ZCCHC2: variants seen among roughly 807,000 people sequenced by gnomAD.
The protein encoded by ZCCHC2 is zinc finger CCHC domain-containing protein 2.
A neutral mutation model predicts 103.6 loss-of-function variants in ZCCHC2; 39 were observed. The ratio of observed to expected loss-of-function variants is 0.38; its 90% CI spans 0.29 to 0.49. The LOEUF is 0.49. Ranked by LOEUF, ZCCHC2 falls within the 20% of genes least tolerant of loss-of-function variation. The pLI is 0.96. For missense variants in ZCCHC2, 1,483 were observed against 1,491.0 expected (o/e 0.99, Z 0.09); for synonymous variants, 687 against 608.9 (o/e 1.13, Z -1.89).
At chr18:62,532,529 G>T (rs1172841020) in intron 1 of ZCCHC2, among the ~76,000 whole-genome samples, 2 of 152,162 alleles carry the variant, frequency 1.3e-5, no homozygotes, top group East Asian at 3.9e-4. Context: ...CCTCTAATAG[G>T]CCTTTAGACT....
intron 1 of ZCCHC2, among the ~76,000 whole-genome samples, chr18:62,538,356 T>G (rs1356237129): frequency 1.3e-5 from 2 of 152,200 alleles, no homozygotes; most frequent in African/African-American, 4.8e-5. Flanking sequence ...GCACTTTATT[T>G]TCTTTGTTTT....
At chr18:62,566,807 C>G (rs1916387160) in intron 11 of ZCCHC2, among the ~76,000 whole-genome samples, 1 of 152,208 alleles carries the variant, frequency 6.6e-6, no homozygotes, top group African/African-American at 2.4e-5. Flanking sequence ...CCTGCTTCAG[C>G]AGATTGTAAG....
At position 62,523,328 on chromosome 18, in the gene ZCCHC2, C is replaced by T; in HGVS notation, c.-97C>T. The T allele has an allele frequency of 1.4e-5, 14 of 985,644 alleles. No homozygotes were observed. The highest frequency in any genetic ancestry group is 1.7e-5 in the Non-Finnish European group (14 of 831,012). The allele number at this position is 985,644 out of a possible 1,614,324, so 61.1% of individuals were successfully genotyped here. A position where few individuals can be genotyped will look rare whatever the true frequency, so the allele number is the denominator to read the frequency against. ...CCTCCCCCGGCGGCATGGAGGGGCC[C>T]CGCTCCTGACGGCCGCGCCGCCGCC... is the stretch of plus-strand genomic sequence containing the variant. On this transcript the variant is annotated 5_prime_UTR_variant, in exon 1 of 14. Coordinates refer to ENST00000269499, the MANE Select transcript of ZCCHC2 (RefSeq NM_017742.6).
chr18:62,549,112 G>T (rs995318876), intron 4 of ZCCHC2, among the ~76,000 whole-genome samples: 3 of 151,702 alleles, frequency 2.0e-5, no homozygotes, highest in African/African-American at 4.8e-5. Context: ...CCAGCTACTC[G>T]GGAGGCTGAG....
intron 12 of ZCCHC2, 123 bp downstream of exon 12, chr18:62,570,354 CT>C: frequency 8.1e-7 from 1 of 1,235,824 alleles, no homozygotes. Context: ...ATGCCATTAA[CT>C]GATTTTAAAT....
rs189084128 is a variant in ZCCHC2, at chr18:62,534,123, A to T, written c.940-5558A>T. Among the ~76,000 whole-genome samples the T allele has an allele frequency of 4.4e-3, 671 of 152,160 alleles. 9 individuals are homozygous for T. Among genetic ancestry groups the T allele is most frequent in the African/African-American group, 0.015 (625 of 41,488 alleles). ...ATACCTTCCAAATCAGACTATTAGC[A>T]GCCTAGGCAACATACCAAGACCCCA... On this transcript the variant is annotated intron_variant, in intron 1 of 13. Coordinates refer to ENST00000269499, the MANE Select transcript of ZCCHC2 (RefSeq NM_017742.6).
rs561471089 is a variant in ZCCHC2 at position 62,526,566 on chromosome 18, G to C, written c.939+2203G>C. ...CAGAGGCCGCTGATGTGGGTGGGCT[G>C]AGTTAAGCCCTCATTCGCTGCAGTC... On this transcript the variant is annotated intron_variant, in intron 1 of 13. Transcript: ENST00000269499. Among the ~76,000 whole-genome samples, 4 of 152,300 alleles carry C rather than the reference G, an allele frequency of 2.6e-5. No homozygotes were observed. The East Asian group carries it at 7.7e-4, about 29-fold the overall frequency.
At chr18:62,563,169 C>A in intron 9 of ZCCHC2, 25 bp downstream of exon 9, 2 of 1,598,806 alleles carry the variant, frequency 1.3e-6, no homozygotes, top group Non-Finnish European at 8.6e-7. Context: ...TGTTTTGGAG[C>A]TATATAGTTA....
chr18:62,570,066 T>C, intron 11 of ZCCHC2, 37 bp from the exon 12 acceptor site: 1 of 1,523,686 alleles, frequency 6.6e-7, no homozygotes, highest in African/African-American at 1.5e-5. Context: ...TTAAAATGAC[T>C]TAACATGATT....
At position 62,574,845 on chromosome 18, in the gene ZCCHC2, C is replaced by T; in HGVS notation, c.2764C>T (p.Pro922Ser). The change falls in exon 13 of 14, where the codon CCC becomes TCC. Residue 922 changes from proline to serine, a missense_variant. Around this residue, in one of 3 missense-constraint regions of ZCCHC2, gnomAD observed 884 missense variants for 907.5 expected, o/e 0.97. Transcript: ENST00000269499. ...PPASYPLPGS[P>S]LAAGVLPSQN... ...AGCTTCCTACCCCTTACCAGGCTCTCCCCTTGCTGCCGGCGTGTTACCCAG... is the reference window on the plus strand; with the variant it reads ...AGCTTCCTACCCCTTACCAGGCTCTTCCCTTGCTGCCGGCGTGTTACCCAG... 4 of 1,613,960 alleles carry T rather than the reference C, an allele frequency of 2.5e-6. No individual in the cohort carries two copies. The East Asian group carries it at 8.9e-5, about 36-fold the overall frequency.
chr18:62,565,020 T>C lies in ZCCHC2; in HGVS notation c.1770T>C (p.Thr590=), dbSNP rs1177830186. Residue 590 remains threonine, a synonymous_variant, in exon 11 of 14, where the codon ACT becomes ACC. Coordinates refer to ENST00000269499, the MANE Select transcript of ZCCHC2 (RefSeq NM_017742.6). ...GGTTTAGGGAGAAAATTAAGAAAAC[T>C]GACAACAGATTGAATAGTAGAATAA... ...PQTEKEKIKK[T]DNRLNSRING... 2 of 1,613,148 alleles carry C rather than the reference T, an allele frequency of 1.2e-6. No homozygotes were observed. Among genetic ancestry groups the C allele is most frequent in the Non-Finnish European group, 1.7e-6 (2 of 1,179,282 alleles).
intron 4 of ZCCHC2, among the ~76,000 whole-genome samples, chr18:62,549,807 T>C (rs1489543767): frequency 6.6e-6 from 1 of 152,252 alleles, no homozygotes; most frequent in Non-Finnish European, 1.5e-5. Flanking sequence ...TATAAATAAG[T>C]AATATTGAGG....
chr18:62,533,089 A>G (rs967720168), intron 1 of ZCCHC2, among the ~76,000 whole-genome samples: 6 of 152,000 alleles, frequency 3.9e-5, no homozygotes, highest in African/African-American at 1.5e-4. Flanking sequence ...AAAATAAGTA[A>G]ATAAATAAAT....
At chr18:62,529,343 G>A (rs1914585001) in intron 1 of ZCCHC2, among the ~76,000 whole-genome samples, 1 of 152,152 alleles carries the variant, frequency 6.6e-6, no homozygotes, top group Non-Finnish European at 1.5e-5. Flanking sequence ...CTCTGGGAGT[G>A]TTAGGGTTCA....
At chr18:62,538,183 G>A (rs938782337) in intron 1 of ZCCHC2, among the ~76,000 whole-genome samples, 17 of 150,952 alleles carry the variant, frequency 1.1e-4, no homozygotes, top group African/African-American at 3.9e-4. Context: ...ATCACTTGAA[G>A]CCGGGAATTT....
At position 62,523,553 on chromosome 18, in the gene ZCCHC2, C is replaced by CCCG. The variant is rs563687016; in HGVS notation, c.147_149dup (p.Pro50dup). The CCCG allele has an allele frequency of 0.7, 650,061 of 932,342 alleles. 221,699 individuals carry two copies. Among genetic ancestry groups the CCCG allele is most frequent in the East Asian group, 0.71 (5,309 of 7,528 alleles). 57.8% of individuals were successfully genotyped at this position (932,342 alleles called of 1,614,324 possible). A position where few individuals can be genotyped will look rare whatever the true frequency, so the allele number is the denominator to read the frequency against. Reference sequence around the variant, plus strand: ...CGCGCCGCCGCCGCGACTGCCGCCCCCCGCCGCCGCCGCCGCCGCCCGCGG... The same window carrying CCCG: ...CGCGCCGCCGCCGCGACTGCCGCCCCCCGCCGCCGCCGCCGCCGCCGCCCGCGG... On this transcript the variant is annotated inframe_insertion, in exon 1 of 14. Transcript: ENST00000269499.
At chr18:62,560,080 T>C (rs1916052966) in intron 7 of ZCCHC2, among the ~76,000 whole-genome samples, 1 of 152,208 alleles carries the variant, frequency 6.6e-6, no homozygotes, top group African/African-American at 2.4e-5. Flanking sequence ...AAACTTGCAC[T>C]AGAATGTTTC....
intron 6 of ZCCHC2, 149 bp from the exon 7 acceptor site, chr18:62,558,538 G>C (rs1216123663): frequency 2.0e-6 from 1 of 490,416 alleles, no homozygotes; most frequent in African/African-American, 2.0e-5. Flanking sequence ...AGTGCTTTGG[G>C]CTGTGTCATC....
In ZCCHC2 at chr18:62,574,130, G is replaced by A; in HGVS notation, c.2049G>A (p.Gln683=). ...TTACAGGTTACGGTTCTGTCAACCA[G>A]ACTGTCACTGTCAAGCCACCTGTTC... is the stretch of plus-strand genomic sequence containing the variant. ...TRFTGYGSVN[Q]TVTVKPPVQI... is the part of the protein sequence containing the mutation. Residue 683 remains glutamine (Q), a synonymous_variant, in exon 13 of 14, where the codon CAG becomes CAA. Transcript: ENST00000269499. The A allele has an allele frequency of 6.2e-7, 1 of 1,614,038 alleles. No individual in the cohort carries two copies. Among genetic ancestry groups the A allele is most frequent in the South Asian group, 1.1e-5 (1 of 91,082 alleles).
Sources: allele counts gnomAD v4.1 joint callset (sites outside exome capture counted in the v4.1 genomes callset), GRCh38; gene constraint gnomAD v4.1.1; regional missense constraint gnomAD v4.1.1; transcripts MANE v1.5; gene names NCBI Gene and HGNC (gene_info 2026-07-23, HGNC 2026-07-21).